CDK19: variants seen among roughly 807,000 people sequenced by gnomAD.
CDK19 encodes the protein cyclin dependent kinase 19.
A neutral mutation model predicts 68.3 loss-of-function variants in CDK19; 20 were observed. The observed-to-expected ratio is 0.29, with a 90% CI of 0.21 to 0.43. The LOEUF (loss-of-function observed/expected upper bound fraction) is 0.43, where lower values mean the gene tolerates loss of function less well. Among genes scored for constraint, CDK19 ranks in the 20% least tolerant of loss-of-function variants. CDK19 has a pLI of 1.00. For synonymous variants in CDK19, 221 were observed against 222.8 expected, an observed-to-expected ratio of 0.99 and a Z score of 0.07; for missense variants, 339 against 623.5, an observed-to-expected ratio of 0.54 and a Z score of 4.86.
At chr6:110,785,379 G>C (rs1781131785) in intron 1 of CDK19, among the ~76,000 whole-genome samples, 1 of 152,064 alleles carries the variant, frequency 6.6e-6, no homozygotes. Context: ...CTGTTGACTG[G>C]AAACCTCACT....
intron 1 of CDK19, among the ~76,000 whole-genome samples, chr6:110,766,564 C>T (rs923994064): frequency 6.6e-6 from 1 of 151,436 alleles, no homozygotes; most frequent in African/African-American, 2.4e-5. Flanking sequence ...GGCAACAGAG[C>T]GAGACTCTGT....
chr6:110,756,112 G>T (rs1167635600), intron 1 of CDK19, among the ~76,000 whole-genome samples: 1 of 152,016 alleles, frequency 6.6e-6, no homozygotes, highest in South Asian at 2.1e-4. Context: ...TACGAAATTA[G>T]CTAGGCGTGG....
At chr6:110,684,104 A>C (rs1772248473) in intron 2 of CDK19, among the ~76,000 whole-genome samples, 1 of 152,104 alleles carries the variant, frequency 6.6e-6, no homozygotes, top group Non-Finnish European at 1.5e-5. Flanking sequence ...TGAAAAATGA[A>C]ACAGATACAA....
chr6:110,737,913 A>G (rs1777361152), intron 2 of CDK19, among the ~76,000 whole-genome samples: 1 of 152,238 alleles, frequency 6.6e-6, no homozygotes, highest in African/African-American at 2.4e-5. Flanking sequence ...GGAAAACACA[A>G]GGATCACACC....
At chr6:110,633,084 T>A (rs1049443573) in intron 5 of CDK19, among the ~76,000 whole-genome samples, 1 of 151,984 alleles carries the variant, frequency 6.6e-6, no homozygotes, top group Non-Finnish European at 1.5e-5. Context: ...CTGGGCGTGG[T>A]GGCGCGCACC....
intron 1 of CDK19, among the ~76,000 whole-genome samples, chr6:110,773,036 G>C (rs1780143932): frequency 1.3e-5 from 2 of 149,996 alleles, no homozygotes; most frequent in Non-Finnish European, 3.0e-5. Context: ...GGCAACATGG[G>C]GAAACCCCGT....
At chr6:110,632,293 T>C in intron 5 of CDK19, 132 bp from the exon 6 acceptor site, 1 of 643,248 alleles carries the variant, frequency 1.6e-6, no homozygotes, top group Non-Finnish European at 2.6e-6. Flanking sequence ...GCTGCTGACC[T>C]TATAAAGCAA....
chr6:110,755,659 T>C (rs1399071796), intron 1 of CDK19, among the ~76,000 whole-genome samples: 1 of 152,110 alleles, frequency 6.6e-6, no homozygotes, highest in Non-Finnish European at 1.5e-5. Context: ...ACAGCTAGAA[T>C]ACAAGAGGTG....
In CDK19 at chr6:110,621,487, A is replaced by T; in HGVS notation, c.1111-117T>A. 1 of 989,652 alleles carries T rather than the reference A, an allele frequency of 1.0e-6. No homozygotes were observed. Among genetic ancestry groups the T allele is most frequent in the Non-Finnish European group, 1.5e-6 (1 of 670,144 alleles). 61.3% of individuals were successfully genotyped at this position (989,652 alleles called of 1,614,324 possible). A position where few individuals can be genotyped will look rare whatever the true frequency, so the allele number is the denominator to read the frequency against. ...CCTGGGGGAGCAATCTATGTGGGAC[A>T]CTAGAGTGATGGGGAGGACTGGAGA... On this transcript the variant is annotated intron_variant, in intron 11 of 12. Coordinates refer to ENST00000368911, the MANE Select transcript of CDK19 (RefSeq NM_015076.5). This position sits in a 1 kb window ranked among gnomAD's most constrained non-coding sequence, Gnocchi z 5.4.
At chr6:110,633,289 G>A (rs1016244211) in intron 5 of CDK19, among the ~76,000 whole-genome samples, 13 of 152,108 alleles carry the variant, frequency 8.5e-5, no homozygotes, top group African/African-American at 2.4e-4. Context: ...ACCTGACTAC[G>A]TCTTAGTTCA....
chr6:110,677,459 CAG>C (rs1391683209), intron 2 of CDK19, among the ~76,000 whole-genome samples: 1 of 151,562 alleles, frequency 6.6e-6, no homozygotes, highest in Admixed American at 6.6e-5. Context: ...CCAGCTACTC[CAG>C]AGGCTGAGGC....
intron 2 of CDK19, among the ~76,000 whole-genome samples, chr6:110,694,478 T>C (rs771432156): frequency 3.9e-5 from 6 of 152,092 alleles, no homozygotes; most frequent in Admixed American, 3.3e-4. Flanking sequence ...CCTAAAGATA[T>C]ATGCACCTAA....
rs556205102 is a variant in CDK19 at position 110,676,689 on chromosome 6, G to A, written c.205-6148C>T. ...CTTAGATAATCATTAGCACCTTTTAGCAATAATGTATTTTTTAATTAAGAT... is the reference window on the plus strand; with the variant it reads ...CTTAGATAATCATTAGCACCTTTTAACAATAATGTATTTTTTAATTAAGAT... On this transcript the variant is annotated intron_variant, in intron 2 of 12. Coordinates refer to ENST00000368911, the MANE Select transcript of CDK19 (RefSeq NM_015076.5). Among the ~76,000 whole-genome samples, 5 of 152,162 alleles carry A rather than the reference G, an allele frequency of 3.3e-5. No individual in the cohort carries two copies. The East Asian group carries it at 9.6e-4, about 29-fold the overall frequency.
chr6:110,815,345 C>T lies in CDK19; in HGVS notation c.-209G>A, dbSNP rs1783556429. ...GCCACCTCCTCCACCTCTTCCTCCT[C>T]CTCCTCCGCGACGGCGGCGGCGGCT... On this transcript the variant is annotated 5_prime_UTR_variant, in exon 1 of 13. Coordinates refer to ENST00000368911, the MANE Select transcript of CDK19 (RefSeq NM_015076.5). 2.3e-6 allele frequency: 1 copy of T among 426,706 alleles called. No individual in the cohort carries two copies. The highest frequency in any genetic ancestry group is 4.0e-6 in the Non-Finnish European group (1 of 252,644). 26.4% of individuals were successfully genotyped at this position (426,706 alleles called of 1,614,324 possible). A position where few individuals can be genotyped will look rare whatever the true frequency, so the allele number is the denominator to read the frequency against.
intron 1 of CDK19, chr6:110,814,097 A>G (rs577827124): frequency 9.2e-4 from 148 of 161,398 alleles, no homozygotes; most frequent in African/African-American, 3.3e-3. Flanking sequence ...AGGCTTCCCA[A>G]GGTGTTCCTA....
In CDK19 at chr6:110,614,762, T is replaced by A; in HGVS notation, c.1378-96A>T. The A allele has an allele frequency of 3.9e-6, 5 of 1,284,702 alleles. 1 individual carries two copies. In the South Asian group the frequency reaches 6.9e-5, roughly 18 times the overall value. 79.6% of individuals were successfully genotyped at this position (1,284,702 alleles called of 1,614,324 possible). A position where few individuals can be genotyped will look rare whatever the true frequency, so the allele number is the denominator to read the frequency against. On this transcript the variant is annotated intron_variant, in intron 12 of 12. Coordinates refer to ENST00000368911, the MANE Select transcript of CDK19 (RefSeq NM_015076.5). ...AGGATAGAGATATAAGCCGTTTTCA[T>A]TAGGTTCCTGGTTCAGACACACATA... is the stretch of plus-strand genomic sequence containing the variant.
chr6:110,795,442 A>G (rs2115087456), intron 1 of CDK19, among the ~76,000 whole-genome samples: 1 of 152,358 alleles, frequency 6.6e-6, no homozygotes, highest in Non-Finnish European at 1.5e-5. Flanking sequence ...TAGGAAAATC[A>G]TAGAGAAACA....
chr6:110,662,098 T>C (rs541254984), intron 4 of CDK19, among the ~76,000 whole-genome samples: 9 of 152,258 alleles, frequency 5.9e-5, no homozygotes, highest in East Asian at 5.8e-4. Context: ...GCCTCCCGAG[T>C]AGCTGAGATT....
chr6:110,798,053 C>G (rs1782073257), intron 1 of CDK19, among the ~76,000 whole-genome samples: 1 of 149,402 alleles, frequency 6.7e-6, no homozygotes, highest in African/African-American at 2.5e-5. Context: ...TGCATTAATT[C>G]AGTTATAGAA....
Sources: allele counts gnomAD v4.1 joint callset (sites outside exome capture counted in the v4.1 genomes callset), GRCh38; gene constraint gnomAD v4.1.1; non-coding constraint Gnocchi (gnomAD v3.1); transcripts MANE v1.5; gene names NCBI Gene and HGNC (gene_info 2026-07-23, HGNC 2026-07-21).